The following TAFA1 variants were observed in gnomAD, a reference collection of about 807,000 sequenced individuals.
TAFA1 encodes the protein chemokine-like protein TAFA-1.
TAFA1 carries 4 observed loss-of-function variants against 18.5 expected under a neutral mutation model. The observed-to-expected ratio is 0.22, with a 90% CI of 0.11 to 0.49. The LOEUF is 0.49. Ranked by LOEUF, TAFA1 falls within the 20% of genes least tolerant of loss-of-function variation. TAFA1 has a pLI of 0.98. For synonymous variants in TAFA1, 56 were observed against 55.2 expected (o/e 1.01, Z -0.06); for missense variants, 147 against 169.0 (o/e 0.87, Z 0.72).
intron 2 of TAFA1, among the ~76,000 whole-genome samples, chr3:68,054,674 G>T (rs911357239): frequency 6.6e-6 from 1 of 152,186 alleles, no homozygotes; most frequent in Non-Finnish European, 1.5e-5. Flanking sequence ...GAGGTGAATA[G>T]TCATAGCACA....
At chr3:68,110,194 G>T (rs2065248438) in intron 2 of TAFA1, among the ~76,000 whole-genome samples, 1 of 152,058 alleles carries the variant, frequency 6.6e-6, no homozygotes, top group African/African-American at 2.4e-5. Flanking sequence ...GTGTTCTCAT[G>T]GTTCAGCTCC....
intron 4 of TAFA1, among the ~76,000 whole-genome samples, chr3:68,540,144 T>C (rs2073348696): frequency 6.6e-6 from 1 of 152,204 alleles, no homozygotes; most frequent in Non-Finnish European, 1.5e-5. Flanking sequence ...TACATAATAC[T>C]ATATAAAACT....
chr3:68,510,265 T>G (rs780290726), intron 3 of TAFA1, among the ~76,000 whole-genome samples: 16 of 152,160 alleles, frequency 1.1e-4, no homozygotes, highest in Non-Finnish European at 1.9e-4. Context: ...CATATTATAC[T>G]CAACCATAAT....
At chr3:68,030,048 C>A (rs762032325) in intron 2 of TAFA1, among the ~76,000 whole-genome samples, 7 of 152,090 alleles carry the variant, frequency 4.6e-5, no homozygotes, top group Admixed American at 6.5e-5. Context: ...GAATTCCCAT[C>A]TAAATAACTT....
intron 3 of TAFA1, among the ~76,000 whole-genome samples, chr3:68,424,411 T>C (rs1305701381): frequency 6.6e-6 from 1 of 152,078 alleles, no homozygotes; most frequent in Non-Finnish European, 1.5e-5. Context: ...AATGGCTTGA[T>C]TCATTTTCCC....
intron 3 of TAFA1, among the ~76,000 whole-genome samples, chr3:68,423,862 G>GA (rs532228900): frequency 2.9e-4 from 44 of 151,572 alleles, no homozygotes; most frequent in South Asian, 6.2e-4. Flanking sequence ...CTGTAATTAA[G>GA]AAAAAAATCT....
intron 2 of TAFA1, among the ~76,000 whole-genome samples, chr3:68,381,784 C>G (rs1428192709): frequency 1.3e-5 from 2 of 152,146 alleles, no homozygotes; most frequent in Non-Finnish European, 1.5e-5. Flanking sequence ...CCTGATTGCC[C>G]TGGCCAGAAC....
intron 2 of TAFA1, among the ~76,000 whole-genome samples, chr3:68,313,231 A>T (rs2068551721): frequency 6.6e-6 from 1 of 152,380 alleles, no homozygotes; most frequent in South Asian, 2.1e-4. Context: ...TTAAAACATT[A>T]TACCAAATTA....
chr3:68,126,562 A>T (rs1049999212), intron 2 of TAFA1, among the ~76,000 whole-genome samples: 3 of 152,232 alleles, frequency 2.0e-5, no homozygotes, highest in African/African-American at 7.2e-5. Flanking sequence ...AAACATATAA[A>T]TGTTTTATAA....
chr3:68,052,958 G>A (rs1313954199), intron 2 of TAFA1, among the ~76,000 whole-genome samples: 1 of 152,146 alleles, frequency 6.6e-6, no homozygotes, highest in Non-Finnish European at 1.5e-5. Flanking sequence ...ACTGCCACAA[G>A]CAGGAATAAT....
At chr3:68,426,179 C>T (rs1415519201) in intron 3 of TAFA1, among the ~76,000 whole-genome samples, 5 of 151,592 alleles carry the variant, frequency 3.3e-5, no homozygotes, top group Non-Finnish European at 5.9e-5. Flanking sequence ...CATTGTACCC[C>T]GTAATTATTT....
At chr3:68,423,371 G>C (rs2070993962) in intron 3 of TAFA1, among the ~76,000 whole-genome samples, 1 of 152,076 alleles carries the variant, frequency 6.6e-6, no homozygotes, top group Admixed American at 6.6e-5. Context: ...AAATCACATA[G>C]CCAGTCATGG....
At chr3:68,218,875 T>C (rs2066695061) in intron 2 of TAFA1, among the ~76,000 whole-genome samples, 1 of 152,154 alleles carries the variant, frequency 6.6e-6, no homozygotes, top group African/African-American at 2.4e-5. Context: ...TTGATAACTT[T>C]AGTTTCTTAC....
At chr3:68,389,456 T>G (rs2070177699) in intron 2 of TAFA1, among the ~76,000 whole-genome samples, 1 of 152,218 alleles carries the variant, frequency 6.6e-6, no homozygotes, top group Non-Finnish European at 1.5e-5. Context: ...AGAATATCAA[T>G]AGAAGAGATT....
chr3:68,206,766 T>C (rs1010217541), intron 2 of TAFA1, among the ~76,000 whole-genome samples: 1 of 151,926 alleles, frequency 6.6e-6, no homozygotes, highest in Non-Finnish European at 1.5e-5. Context: ...AAGATAACTT[T>C]TTTCCAAGTG....
intron 2 of TAFA1, among the ~76,000 whole-genome samples, chr3:68,384,166 G>A (rs1299811728): frequency 6.6e-6 from 1 of 151,878 alleles, no homozygotes; most frequent in East Asian, 1.9e-4. Flanking sequence ...GGCTTTTCAT[G>A]TGTCAGTCTT....
chr3:68,352,406 G>A (rs187948700), intron 2 of TAFA1, among the ~76,000 whole-genome samples: 399 of 152,078 alleles, frequency 2.6e-3, no homozygotes, highest in Admixed American at 4.1e-3. Flanking sequence ...CTAGAGAATT[G>A]ACAAGGCAAA....
chr3:68,076,411 C>A (rs1468647477), intron 2 of TAFA1, among the ~76,000 whole-genome samples: 16 of 151,258 alleles, frequency 1.1e-4, no homozygotes, highest in African/African-American at 3.9e-4. Context: ...CACCCACTAA[C>A]TCATCATCTA....
intron 2 of TAFA1, among the ~76,000 whole-genome samples, chr3:68,164,312 T>A (rs1311872782): frequency 6.6e-6 from 1 of 152,218 alleles, no homozygotes; most frequent in Non-Finnish European, 1.5e-5. Flanking sequence ...GTACATGAAC[T>A]ATTGTGGAAT....
Sources: allele counts gnomAD v4.1 joint callset (sites outside exome capture counted in the v4.1 genomes callset), GRCh38; gene constraint gnomAD v4.1.1; transcripts MANE v1.5; gene names NCBI Gene and HGNC (gene_info 2026-07-23, HGNC 2026-07-21).